ST8SIA2: variants seen among roughly 807,000 people sequenced by gnomAD.
ST8SIA2 encodes the protein alpha-2,8-sialyltransferase 8B.
ST8SIA2 carries 22 observed loss-of-function variants against 37.6 expected under a neutral mutation model. The ratio of observed to expected loss-of-function variants is 0.58; its 90% CI spans 0.42 to 0.83. The LOEUF is 0.83. ST8SIA2 is among the 40% of genes least tolerant of loss of function. The probability of loss-of-function intolerance (pLI) is 0.00; values close to 1 mark genes in which losing one functional copy is unlikely to be tolerated. For missense variants in ST8SIA2, 382 were observed against 484.7 expected, an observed-to-expected ratio of 0.79 and a Z score of 1.99; for synonymous variants, 205 against 201.2, an observed-to-expected ratio of 1.02 and a Z score of -0.16.
chr15:92,440,233 G>T lies in ST8SIA2; in HGVS notation c.548+1623G>T, dbSNP rs1304874464. Among the ~76,000 whole-genome samples, 4 of 152,162 alleles carry T rather than the reference G, an allele frequency of 2.6e-5. No homozygotes were observed. The East Asian group carries it at 7.7e-4, about 29-fold the overall frequency. On this transcript the variant is annotated intron_variant, in intron 4 of 5. Coordinates refer to ENST00000268164, the MANE Select transcript of ST8SIA2 (RefSeq NM_006011.4). ...AGTTTTATCATCTGTAAAACGGGCT[G>T]GGTGGACTGGCTGGCCTTGAGGTTC...
At chr15:92,442,140 C>G (rs575426786) in intron 4 of ST8SIA2, among the ~76,000 whole-genome samples, 2 of 152,346 alleles carry the variant, frequency 1.3e-5, no homozygotes, top group Admixed American at 6.5e-5. Context: ...GGAAGGAAGA[C>G]ATCTAGACAG....
At chr15:92,456,381 C>T (rs771839765) in intron 5 of ST8SIA2, among the ~76,000 whole-genome samples, 6 of 152,222 alleles carry the variant, frequency 3.9e-5, no homozygotes, top group Non-Finnish European at 8.8e-5. Flanking sequence ...TCATTCACTG[C>T]TCTATTAAAG....
At chr15:92,444,170 G>T (rs537888248) in intron 4 of ST8SIA2, among the ~76,000 whole-genome samples, 1 of 152,182 alleles carries the variant, frequency 6.6e-6, no homozygotes, top group Admixed American at 6.5e-5. Context: ...CAAAGCTAAA[G>T]TAATGGAAGG....
At chr15:92,437,241 C>T (rs2049765463) in intron 3 of ST8SIA2, among the ~76,000 whole-genome samples, 1 of 152,178 alleles carries the variant, frequency 6.6e-6, no homozygotes, top group African/African-American at 2.4e-5. Flanking sequence ...TCTAGGTACT[C>T]AATTCCTTTC....
At chr15:92,458,785 G>C (rs1341398410) in intron 5 of ST8SIA2, among the ~76,000 whole-genome samples, 1 of 152,192 alleles carries the variant, frequency 6.6e-6, no homozygotes, top group Admixed American at 6.5e-5. Flanking sequence ...GTTGATCTGA[G>C]CCTTGATAGG....
intron 5 of ST8SIA2, among the ~76,000 whole-genome samples, chr15:92,450,924 T>A (rs576658923): frequency 6.6e-6 from 1 of 152,284 alleles, no homozygotes; most frequent in African/African-American, 2.4e-5. Flanking sequence ...TGGTGGGAAT[T>A]TCAAATGAGA....
rs1430584107 is a variant in ST8SIA2 at position 92,468,575 on chromosome 15, A to C, written c.*4190A>C. 4 of 152,648 alleles carry C rather than the reference A, an allele frequency of 2.6e-5. No homozygotes were observed. The highest frequency in any genetic ancestry group is 4.8e-5 in the African/African-American group (2 of 41,458). 9.5% of individuals were successfully genotyped at this position (152,648 alleles called of 1,614,324 possible). ...CTTACCATATTCTGCCTTGTATTAT[A>C]GTTATTTGTGCACTTGTCCTTTGAC... On this transcript the variant is annotated 3_prime_UTR_variant, in exon 6 of 6. Transcript: ENST00000268164.
intron 2 of ST8SIA2, among the ~76,000 whole-genome samples, chr15:92,433,471 GT>G (rs1376371692): frequency 5.3e-5 from 8 of 152,214 alleles, no homozygotes; most frequent in Non-Finnish European, 8.8e-5. Context: ...ATTCAAGCCA[GT>G]CCTATAATAC....
chr15:92,438,645 C>G, intron 4 of ST8SIA2, 35 bp downstream of exon 4: 1 of 1,561,714 alleles, frequency 6.4e-7, no homozygotes, highest in Non-Finnish European at 8.6e-7. Flanking sequence ...GGGGCCAGAG[C>G]GGCGGGCAGG....
Position 92,464,472 on chromosome 15 carries a change from A to G in ST8SIA2, c.*87A>G. On this transcript the variant is annotated 3_prime_UTR_variant, in exon 6 of 6. Transcript: ENST00000268164. ...GGAGTCGGGGTGGCACAAACAATAG[A>G]ACAAGCAGGCTAGTGGTTTTCTTTG... 1 of 1,460,586 alleles carries G rather than the reference A, an allele frequency of 6.8e-7. No homozygotes were observed. Among genetic ancestry groups the G allele is most frequent in the Non-Finnish European group, 9.6e-7 (1 of 1,042,502 alleles). The allele number at this position is 1,460,586 out of a possible 1,614,324, so 90.5% of individuals were successfully genotyped here.
chr15:92,454,908 C>T (rs1319937320), intron 5 of ST8SIA2, among the ~76,000 whole-genome samples: 2 of 152,046 alleles, frequency 1.3e-5, no homozygotes, highest in African/African-American at 2.4e-5. Context: ...CCCACAGAGA[C>T]GGTGGCCCCT....
intron 1 of ST8SIA2, among the ~76,000 whole-genome samples, chr15:92,423,471 A>G (rs528474456): frequency 6.6e-6 from 1 of 152,370 alleles, no homozygotes; most frequent in East Asian, 1.9e-4. Flanking sequence ...TTGCTATGAC[A>G]GAGTATCACA....
rs567012339 is a variant in ST8SIA2 at position 92,414,301 on chromosome 15, G to A, written c.99-15748G>A. Among the ~76,000 whole-genome samples, 27 of 152,316 alleles carry A rather than the reference G, an allele frequency of 1.8e-4. No individual in the cohort carries two copies. The South Asian group carries it at 3.7e-3, about 21-fold the overall frequency. ...GGATCTGACTGGGTGAAGCTCTGGCGTCTGTCTGGAGTCAGGTGTAGTGAC... is the reference window on the plus strand; with the variant it reads ...GGATCTGACTGGGTGAAGCTCTGGCATCTGTCTGGAGTCAGGTGTAGTGAC... On this transcript the variant is annotated intron_variant, in intron 1 of 5. Coordinates refer to ENST00000268164, the MANE Select transcript of ST8SIA2 (RefSeq NM_006011.4).
intron 3 of ST8SIA2, 26 bp downstream of exon 3, chr15:92,434,401 G>C (rs773670546): frequency 6.2e-7 from 1 of 1,614,146 alleles, no homozygotes; most frequent in Non-Finnish European, 8.5e-7. Flanking sequence ...TACAGGACAA[G>C]AGGTAGACTT....
At chr15:92,444,572 G>A (rs899676372) in intron 4 of ST8SIA2, 64 bp from the exon 5 acceptor site, 4 of 1,604,552 alleles carry the variant, frequency 2.5e-6, no homozygotes, top group African/African-American at 2.7e-5. Flanking sequence ...GGATGGGATC[G>A]AGTTAAACAG....
intron 1 of ST8SIA2, among the ~76,000 whole-genome samples, chr15:92,418,489 C>T (rs976217737): frequency 2.1e-5 from 3 of 144,856 alleles, no homozygotes; most frequent in Non-Finnish European, 3.0e-5. Context: ...AAAAAGGCTT[C>T]GGTAGAGTGC....
chr15:92,455,580 A>G (rs1232434311), intron 5 of ST8SIA2, among the ~76,000 whole-genome samples: 2 of 152,210 alleles, frequency 1.3e-5, no homozygotes, highest in Non-Finnish European at 2.9e-5. Context: ...AATTCTGGAA[A>G]GTATTCCCTA....
chr15:92,417,230 A>G (rs984320631), intron 1 of ST8SIA2, among the ~76,000 whole-genome samples: 2 of 152,116 alleles, frequency 1.3e-5, no homozygotes, highest in Non-Finnish European at 2.9e-5. Context: ...CGGTGGTCCC[A>G]TCCATCCTCC....
chr15:92,439,960 G>A (rs2049789519), intron 4 of ST8SIA2, among the ~76,000 whole-genome samples: 1 of 152,100 alleles, frequency 6.6e-6, no homozygotes, highest in Non-Finnish European at 1.5e-5. Flanking sequence ...GCGGGGGGGT[G>A]GCTGTCTGAC....
Sources: allele counts gnomAD v4.1 joint callset (sites outside exome capture counted in the v4.1 genomes callset), GRCh38; gene constraint gnomAD v4.1.1; transcripts MANE v1.5; gene names NCBI Gene and HGNC (gene_info 2026-07-23, HGNC 2026-07-21).